The following LRCH2 variants were observed in gnomAD, a reference collection of about 807,000 sequenced individuals.
LRCH2 encodes the protein leucine-rich repeat and calponin homology domain-containing protein 2.
LRCH2 carries 38 observed loss-of-function variants against 68.9 expected under a neutral mutation model. That is an observed-to-expected ratio of 0.55 (90% confidence interval 0.43 to 0.72). LRCH2 has a LOEUF of 0.72. Among genes scored for constraint, LRCH2 ranks in the 30% least tolerant of loss-of-function variants. The pLI, the probability that LRCH2 is intolerant of heterozygous loss-of-function variation, is 0.00. For missense variants in LRCH2, 528 were observed against 572.9 expected, an observed-to-expected ratio of 0.92 and a Z score of 0.80; for synonymous variants, 191 against 208.1, an observed-to-expected ratio of 0.92 and a Z score of 0.71.
intron 1 of LRCH2, among the ~76,000 whole-genome samples, chrX:115,207,427 C>T (rs957080913): frequency 9.0e-6 from 1 of 111,272 alleles, no homozygotes; most frequent in Non-Finnish European, 1.9e-5. Context: ...GTTCCAGCTA[C>T]TCGGGAGGCT....
At chrX:115,175,957 G>A (rs2072643498) in intron 5 of LRCH2, among the ~76,000 whole-genome samples, 1 of 111,893 alleles carries the variant, frequency 8.9e-6, no homozygotes. Flanking sequence ...GTATAGGTGA[G>A]CAGTCTGTGG....
chrX:115,215,630 G>A (rs142525469), intron 1 of LRCH2, among the ~76,000 whole-genome samples: 69 of 108,188 alleles, frequency 6.4e-4, no homozygotes, highest in African/African-American at 2.2e-3. Flanking sequence ...GTGAGGTGCC[G>A]TGTGCCTGTA....
In LRCH2 at chrX:115,197,818, G is replaced by GTCTCTCTCTCTCTCTC. The variant is rs1196662958; in HGVS notation, c.350-9464_350-9449dup. On this transcript the variant is annotated intron_variant, in intron 1 of 20. Transcript: ENST00000317135. The stretch of plus-strand genomic sequence containing the variant: ...CACTCCAGCCTGGGCAACAGAACAA[G>GTCTCTCTCTCTCTCTC]TCTCTCTCTCTCTCTCTCTCTCTCT... Among the ~76,000 whole-genome samples, 18 of 13,405 alleles carry GTCTCTCTCTCTCTCTC rather than the reference G, an allele frequency of 1.3e-3. 2 individuals are homozygous for GTCTCTCTCTCTCTCTC. In the South Asian group the frequency reaches 0.034, roughly 26 times the overall value. 11.6% of individuals were successfully genotyped at this position (13,405 alleles called of 115,157 possible). A position where few individuals can be genotyped will look rare whatever the true frequency, so the allele number is the denominator to read the frequency against.
intron 2 of LRCH2, among the ~76,000 whole-genome samples, chrX:115,186,346 TAA>T (rs782173753): frequency 2.3e-4 from 20 of 88,104 alleles, no homozygotes; most frequent in African/African-American, 5.3e-4. Context: ...AGACTCCGTC[TAA>T]AAAAAAAAAA....
At chrX:115,131,866 G>A (rs782101739) in intron 14 of LRCH2, among the ~76,000 whole-genome samples, 4 of 111,778 alleles carry the variant, frequency 3.6e-5, no homozygotes, top group Admixed American at 9.5e-5. Flanking sequence ...GTGATGATGA[G>A]CATTTTTTCA....
At chrX:115,174,888 G>A (rs1272873269) in intron 5 of LRCH2, among the ~76,000 whole-genome samples, 4 of 111,263 alleles carry the variant, frequency 3.6e-5, no homozygotes, top group Non-Finnish European at 7.5e-5. Flanking sequence ...GGAGCTCCTG[G>A]ATAGCCACAG....
intron 1 of LRCH2, among the ~76,000 whole-genome samples, chrX:115,218,847 C>A (rs1318986811): frequency 8.9e-6 from 1 of 112,139 alleles, no homozygotes; most frequent in Non-Finnish European, 1.9e-5. Flanking sequence ...TAAATCTCAG[C>A]TTTTGCTGCT....
rs781857981 is a variant in LRCH2 at position 115,233,949 on chromosome X, T to G, written c.93A>C (p.Gly31=). 3 of 832,732 alleles carry G rather than the reference T, an allele frequency of 3.6e-6. No individual in the cohort carries two copies. Among genetic ancestry groups the G allele is most frequent in the African/African-American group, 2.5e-5 (1 of 40,150 alleles). 68.6% of individuals were successfully genotyped at this position (832,732 alleles called of 1,213,427 possible). Residue 31 remains glycine (G), a synonymous_variant, in exon 1 of 21, where the codon GGA becomes GGC. Coordinates refer to ENST00000317135, the MANE Select transcript of LRCH2 (RefSeq NM_020871.4). ...SSGGCGTAGG[G]GGGAGGGGGG... ...CGCCTCCCCCTCCAGCCCCGCCACC[T>G]CCCCCTCCAGCCGTGCCACAGCCAC...
chrX:115,209,830 G>A (rs923359214), intron 1 of LRCH2, among the ~76,000 whole-genome samples: 2 of 112,001 alleles, frequency 1.8e-5, no homozygotes, highest in Non-Finnish European at 3.8e-5. Context: ...ATGGAGATGA[G>A]GAACTTGTTG....
intron 11 of LRCH2, 22 bp downstream of exon 11, chrX:115,163,654 A>G: frequency 9.2e-7 from 1 of 1,089,812 alleles, no homozygotes; most frequent in Non-Finnish European, 1.2e-6. Flanking sequence ...GCCAATTCAA[A>G]TCTCATTACT....
chrX:115,113,866 A>G (rs1223640499), intron 20 of LRCH2, among the ~76,000 whole-genome samples: 1 of 111,218 alleles, frequency 9.0e-6, no homozygotes, highest in East Asian at 2.8e-4. Context: ...AGTAGCTTTC[A>G]TTAATTAGCC....
intron 5 of LRCH2, among the ~76,000 whole-genome samples, chrX:115,171,165 T>C (rs1306489940): frequency 2.7e-5 from 3 of 111,439 alleles, no homozygotes; most frequent in Non-Finnish European, 5.7e-5. Context: ...AAAATTCTAA[T>C]AAAAAATGTA....
intron 1 of LRCH2, among the ~76,000 whole-genome samples, chrX:115,212,576 G>A (rs1200657036): frequency 1.8e-5 from 2 of 110,085 alleles, no homozygotes; most frequent in African/African-American, 3.3e-5. Flanking sequence ...CACAGCTCAC[G>A]GCAGCCTTGA....
chrX:115,222,610 C>G (rs1361034896), intron 1 of LRCH2, among the ~76,000 whole-genome samples: 1 of 111,728 alleles, frequency 9.0e-6, no homozygotes, highest in Non-Finnish European at 1.9e-5. Flanking sequence ...ATGAACAATC[C>G]AAAAACTAAA....
At chrX:115,116,829 A>T (rs1241148005) in intron 20 of LRCH2, among the ~76,000 whole-genome samples, 2 of 111,352 alleles carry the variant, frequency 1.8e-5, no homozygotes, top group Admixed American at 1.9e-4. Flanking sequence ...TAAAATTTCC[A>T]GAAGTAAACA....
At chrX:115,187,133 C>G (rs1342221720) in intron 2 of LRCH2, among the ~76,000 whole-genome samples, 1 of 111,962 alleles carries the variant, frequency 8.9e-6, no homozygotes, top group East Asian at 2.8e-4. Context: ...ACTTCTCTCA[C>G]ACATTTTAAG....
At chrX:115,186,861 C>G (rs2072735857) in intron 2 of LRCH2, among the ~76,000 whole-genome samples, 1 of 97,733 alleles carries the variant, frequency 1.0e-5, no homozygotes, top group South Asian at 5.3e-4. Context: ...CTCTGTCACC[C>G]AGGCTGGAGT....
chrX:115,194,813 T>C (rs2072875358), intron 1 of LRCH2, among the ~76,000 whole-genome samples: 1 of 111,725 alleles, frequency 9.0e-6, no homozygotes, highest in Non-Finnish European at 1.9e-5. Flanking sequence ...AACAGGATTT[T>C]TGTAGCTTCT....
chrX:115,154,617 C>T (rs1481641395), intron 12 of LRCH2, among the ~76,000 whole-genome samples: 1 of 111,408 alleles, frequency 9.0e-6, no homozygotes, highest in Admixed American at 9.5e-5. Flanking sequence ...AAATAATACT[C>T]ATCATCACTA....
Sources: allele counts gnomAD v4.1 joint callset (sites outside exome capture counted in the v4.1 genomes callset), GRCh38; gene constraint gnomAD v4.1.1; transcripts MANE v1.5; gene names NCBI Gene and HGNC (gene_info 2026-07-23, HGNC 2026-07-21).